Variants in PPIG observed in about 807,000 individuals in gnomAD.
The protein encoded by PPIG is peptidylprolyl isomerase G, also known as peptidyl-prolyl cis-trans isomerase G.
In PPIG, 26 loss-of-function variants were observed where a neutral mutation model predicts 87.9. The observed-to-expected ratio is 0.30, with a 90% CI of 0.22 to 0.41. PPIG has a LOEUF of 0.41. Ranked by LOEUF, PPIG falls within the 10% of genes least tolerant of loss-of-function variation. The pLI, the probability that PPIG is intolerant of heterozygous loss-of-function variation, is 1.00. For missense variants in PPIG, 722 were observed against 879.4 expected, an observed-to-expected ratio of 0.82 and a Z score of 2.26; for synonymous variants, 308 against 276.5, an observed-to-expected ratio of 1.11 and a Z score of -1.13.
chr2:169,622,195 C>T (rs904676463), intron 9 of PPIG, among the ~76,000 whole-genome samples: 5 of 151,162 alleles, frequency 3.3e-5, no homozygotes, highest in African/African-American at 9.7e-5. Flanking sequence ...CCGAGGTGGA[C>T]GGATCACTTG....
Position 169,636,517 on chromosome 2 carries a change from A to C in PPIG, c.1259A>C (p.Asn420Thr). 1 of 1,610,212 alleles carries C rather than the reference A, an allele frequency of 6.2e-7. No individual in the cohort carries two copies. The highest frequency in any genetic ancestry group is 1.3e-5 in the African/African-American group (1 of 74,744). The change falls in exon 14 of 14, where the codon AAT becomes ACT. Residue 420 changes from asparagine (N) to threonine (T), a missense_variant. Coordinates refer to ENST00000260970, the MANE Select transcript of PPIG (RefSeq NM_004792.3). Reference sequence around the variant, plus strand: ...GTATCTGAGAGTCCAAACAGAAAAAATGAAAAGGAGAAGAAAGTTAAAGAC... The same window carrying C: ...GTATCTGAGAGTCCAAACAGAAAAACTGAAAAGGAGAAGAAAGTTAAAGAC... ...RNVSESPNRKNEKEKKVKDHK... is the reference protein window; with the variant it reads ...RNVSESPNRKTEKEKKVKDHK...
chr2:169,593,650 C>CTT (rs57902378), intron 1 of PPIG, among the ~76,000 whole-genome samples: 15,128 of 106,138 alleles, frequency 0.14, 1,443 homozygotes, highest in Middle Eastern at 0.19. Context: ...TGCTTTATAT[C>CTT]TTTTTTTTTT....
intron 1 of PPIG, among the ~76,000 whole-genome samples, chr2:169,595,583 C>T (rs1255598448): frequency 1.3e-5 from 2 of 152,130 alleles, no homozygotes; most frequent in Non-Finnish European, 2.9e-5. Flanking sequence ...TGTCTAGTAA[C>T]AGTCTCTCTA....
chr2:169,631,788 G>C lies in PPIG; in HGVS notation c.784G>C (p.Glu262Gln). Residue 262 changes from glutamate (E) to glutamine (Q), a missense_variant, in exon 11 of 14, where the codon GAA becomes CAA. By Grantham distance (29) the Glu-to-Gln change is conservative. Around this residue, in one of 4 missense-constraint regions of PPIG, gnomAD observed 142 missense variants for 152.8 expected, o/e 0.93. Transcript: ENST00000260970. ...AAGTGCATCTAGTGAGAGTGAAGCT[G>C]AAAATCTTGAAGCACAACCCCAGTC... ...KKSASSESEA[E>Q]NLEAQPQSTV... 1 of 1,613,820 alleles carries C rather than the reference G, an allele frequency of 6.2e-7. No homozygotes were observed. The highest frequency in any genetic ancestry group is 1.1e-5 in the South Asian group (1 of 91,078).
chr2:169,612,803 G>A (rs1306810282), intron 7 of PPIG, among the ~76,000 whole-genome samples: 1 of 152,164 alleles, frequency 6.6e-6, no homozygotes, highest in Non-Finnish European at 1.5e-5. Flanking sequence ...TACTGCTGCA[G>A]TGAGCATTGG....
intron 1 of PPIG, among the ~76,000 whole-genome samples, chr2:169,595,817 T>G (rs960691164): frequency 1.3e-5 from 2 of 152,242 alleles, no homozygotes; most frequent in Non-Finnish European, 2.9e-5. Context: ...TGTTTTTTGC[T>G]TTTGAGACTG....
At chr2:169,617,487 C>G (rs1168905965) in intron 9 of PPIG, among the ~76,000 whole-genome samples, 4 of 152,304 alleles carry the variant, frequency 2.6e-5, no homozygotes, top group South Asian at 2.1e-4. Flanking sequence ...TTCTCCCTAT[C>G]CATGAGCATG....
rs137865386 is a variant in PPIG, at chr2:169,593,950, C to T, written c.-70+9460C>T. Among the ~76,000 whole-genome samples the T allele has an allele frequency of 4.0e-3, 615 of 152,092 alleles. 10 individuals are homozygous for T. Among genetic ancestry groups the T allele is most frequent in the Admixed American group, 0.026 (398 of 15,260 alleles). Reference sequence around the variant, plus strand: ...GATTACAGGTGTGAGCCACCACGCCCGGCCCACTGTTTTATATCTTGATTA... The same window carrying T: ...GATTACAGGTGTGAGCCACCACGCCTGGCCCACTGTTTTATATCTTGATTA... On this transcript the variant is annotated intron_variant, in intron 1 of 13. Transcript: ENST00000260970.
chr2:169,591,174 G>T (rs528429770), intron 1 of PPIG, among the ~76,000 whole-genome samples: 1 of 152,088 alleles, frequency 6.6e-6, no homozygotes, highest in Non-Finnish European at 1.5e-5. Flanking sequence ...ATAATTAGTT[G>T]CCTATATTTT....
At chr2:169,620,945 T>C (rs999626614) in intron 9 of PPIG, among the ~76,000 whole-genome samples, 3 of 152,142 alleles carry the variant, frequency 2.0e-5, no homozygotes, top group Non-Finnish European at 4.4e-5. Flanking sequence ...AGTTAGCACA[T>C]GTGAGAGTCA....
intron 7 of PPIG, among the ~76,000 whole-genome samples, chr2:169,613,019 G>A (rs1017581997): frequency 2.0e-5 from 3 of 152,142 alleles, no homozygotes; most frequent in African/African-American, 4.8e-5. Context: ...CACACTATGT[G>A]TATCTGTAAA....
intron 4 of PPIG, among the ~76,000 whole-genome samples, chr2:169,604,885 A>C (rs1685280360): frequency 6.6e-6 from 1 of 150,696 alleles, no homozygotes; most frequent in African/African-American, 2.4e-5. Context: ...AAAAAAAAAA[A>C]AGAAAGAAAT....
chr2:169,587,142 A>C (rs556198069), intron 1 of PPIG, among the ~76,000 whole-genome samples: 1 of 152,256 alleles, frequency 6.6e-6, no homozygotes, highest in South Asian at 2.1e-4. Flanking sequence ...CATGTTGGCT[A>C]CGCTGGTCTC....
chr2:169,588,312 G>C (rs934074352), intron 1 of PPIG, among the ~76,000 whole-genome samples: 1 of 152,094 alleles, frequency 6.6e-6, no homozygotes, highest in Non-Finnish European at 1.5e-5. Flanking sequence ...TTGAATCATG[G>C]TTATATGGTG....
At position 169,584,386 on chromosome 2, in the gene PPIG, G is replaced by A. The variant is rs1157748165; in HGVS notation, c.-174G>A. The A allele has an allele frequency of 1.1e-5, 5 of 471,178 alleles. No individual in the cohort carries two copies. The highest frequency in any genetic ancestry group is 3.3e-4 in the Middle Eastern group (1 of 3,076). 29.2% of individuals were successfully genotyped at this position (471,178 alleles called of 1,614,324 possible). A position where few individuals can be genotyped will look rare whatever the true frequency, so the allele number is the denominator to read the frequency against. On this transcript the variant is annotated 5_prime_UTR_variant, in exon 1 of 14. Transcript: ENST00000260970. The stretch of plus-strand genomic sequence containing the variant: ...CTCTCCATGCCAGGACTGAGTTGTG[G>A]GGGAGGGAGGCGGTTAGCGGGCTTT...
intron 12 of PPIG, among the ~76,000 whole-genome samples, chr2:169,635,074 A>C (rs1043198789): frequency 1.3e-5 from 2 of 152,218 alleles, no homozygotes; most frequent in Non-Finnish European, 2.9e-5. Context: ...TGAAAATGGA[A>C]CAGGCAAATA....
Position 169,630,896 on chromosome 2 carries a change from G to A in PPIG, c.670G>A (p.Glu224Lys). The A allele has an allele frequency of 6.2e-7, 1 of 1,609,116 alleles. No individual in the cohort carries two copies. Among genetic ancestry groups the A allele is most frequent in the Non-Finnish European group, 8.5e-7 (1 of 1,178,864 alleles). Reference protein sequence around the residue: ...SDSSDSESATEEKSKKRKKKH... With the variant: ...SDSSDSESATKEKSKKRKKKH... Reference sequence around the variant, plus strand: ...TTCCTCTGATTCCGAAAGTGCTACTGAAGAGAAATCAAAGAAAAGAAAAAA... The same window carrying A: ...TTCCTCTGATTCCGAAAGTGCTACTAAAGAGAAATCAAAGAAAAGAAAAAA... Residue 224 changes from glutamate (E) to lysine (K), a missense_variant, in exon 10 of 14, where the codon GAA becomes AAA. Physicochemically the swap from Glu to Lys is moderately conservative, Grantham distance 56 (BLOSUM62 1). Coordinates refer to ENST00000260970, the MANE Select transcript of PPIG (RefSeq NM_004792.3).
At chr2:169,587,824 T>G (rs1039897111) in intron 1 of PPIG, among the ~76,000 whole-genome samples, 1 of 152,162 alleles carries the variant, frequency 6.6e-6, no homozygotes, top group African/African-American at 2.4e-5. Flanking sequence ...ATAACACTTA[T>G]AAACACCAAT....
rs200547187 is a variant in PPIG at position 169,630,942 on chromosome 2, G to A, written c.716G>A (p.Arg239Gln). Residue 239 changes from arginine (R) to glutamine (Q), a missense_variant, in exon 10 of 14, where the codon CGA becomes CAA. Arg to Gln is a conservative substitution (Grantham distance 43, BLOSUM62 1). This residue lies in a region of PPIG where 142 missense variants were observed against 152.8 expected (regional missense o/e 0.93). Coordinates refer to ENST00000260970, the MANE Select transcript of PPIG (RefSeq NM_004792.3). Reference protein sequence around the residue: ...KRKKKHRKNSRKHKKEKKKRK... With the variant: ...KRKKKHRKNSQKHKKEKKKRK... ...AAAAAGAAACATCGGAAAAATTCCC[G>A]AAAACACAAGAAAGAAAAGAAAAAG... The A allele has an allele frequency of 1.4e-5, 22 of 1,597,030 alleles. No homozygotes were observed. The highest frequency in any genetic ancestry group is 5.8e-5 in the South Asian group (5 of 86,252).
Sources: allele counts gnomAD v4.1 joint callset (sites outside exome capture counted in the v4.1 genomes callset), GRCh38; gene constraint gnomAD v4.1.1; regional missense constraint gnomAD v4.1.1; transcripts MANE v1.5; gene names NCBI Gene and HGNC (gene_info 2026-07-23, HGNC 2026-07-21).